FRMD5: variants seen among roughly 807,000 people sequenced by gnomAD.
FRMD5 encodes FERM domain-containing protein 5.
A neutral mutation model predicts 69.0 loss-of-function variants in FRMD5; 20 were observed. The observed-to-expected ratio is 0.29, with a 90% CI of 0.20 to 0.42. FRMD5 has a LOEUF of 0.42. Among genes scored for constraint, FRMD5 ranks in the 10% least tolerant of loss-of-function variants. FRMD5 has a pLI of 1.00. For missense variants in FRMD5, 595 were observed against 708.6 expected (o/e 0.84, Z 1.82); for synonymous variants, 271 against 260.1 (o/e 1.04, Z -0.40).
At chr15:44,184,096 CTCTGTTTT>C (rs2078060012) in intron 1 of FRMD5, among the ~76,000 whole-genome samples, 1 of 152,074 alleles carries the variant, frequency 6.6e-6, no homozygotes, top group South Asian at 2.1e-4. Flanking sequence ...CCCTCTGTTT[CTCTGTTTT>C]GATCTTTTGT....
chr15:43,949,083 G>T (rs988637323), intron 1 of FRMD5, among the ~76,000 whole-genome samples: 5 of 152,312 alleles, frequency 3.3e-5, no homozygotes, highest in Middle Eastern at 3.4e-3. Context: ...AGGCTTCAGG[G>T]CTCCATGGTT....
chr15:43,980,139 T>A (rs1371725881), intron 1 of FRMD5, among the ~76,000 whole-genome samples: 1 of 152,238 alleles, frequency 6.6e-6, no homozygotes, highest in Non-Finnish European at 1.5e-5. Context: ...TAATGTAGTA[T>A]TATGTTGCTT....
intron 1 of FRMD5, among the ~76,000 whole-genome samples, chr15:44,140,357 G>C (rs1170556798): frequency 6.6e-6 from 1 of 151,850 alleles, no homozygotes; most frequent in Non-Finnish European, 1.5e-5. Context: ...TACTAAAACT[G>C]AACAACAATG....
upstream of FRMD5, among the ~76,000 whole-genome samples, chr15:44,198,096 G>C (rs1234833474): frequency 6.6e-6 from 1 of 152,094 alleles, no homozygotes; most frequent in Non-Finnish European, 1.5e-5. Context: ...GATCGCTTGA[G>C]CTCAGGATTT....
Position 43,873,819 on chromosome 15 carries a change from T to C in FRMD5, c.*66A>G, listed in dbSNP as rs889157780. On this transcript the variant is annotated 3_prime_UTR_variant, in exon 14 of 14. Coordinates refer to ENST00000417257, the MANE Select transcript of FRMD5 (RefSeq NM_032892.5). ...GCCGATGGTTCCGCGATGGGTCCCA[T>C]TGCTGGGAATGGGTAGCCGGGTTCC... is the stretch of plus-strand genomic sequence containing the variant. The C allele has an allele frequency of 8.2e-6, 13 of 1,587,228 alleles. No individual in the cohort carries two copies. The highest frequency in any genetic ancestry group is 1.8e-5 in the Admixed American group (1 of 55,616).
chr15:43,937,224 C>G lies in FRMD5; in HGVS notation c.103-12915G>C, dbSNP rs139606597. 5.1e-3 allele frequency among the ~76,000 whole-genome samples: 780 copies of G among 152,306 alleles called. 12 individuals carry two copies. Among genetic ancestry groups the G allele is most frequent in the African/African-American group, 0.018 (745 of 41,570 alleles). ...ACACCTAGACAAAATGGCATAGGAT[C>G]ATTGGGCTTCAGATCAATGGGTGAT... On this transcript the variant is annotated intron_variant, in intron 1 of 13. Transcript: ENST00000417257.
In FRMD5 at chr15:44,182,551, G is replaced by A. The variant is rs138253170; in HGVS notation, c.102+12402C>T. Reference sequence around the variant, plus strand: ...TCATCATGTTAGCCAGGATGGTCTCGATCTGACCTCGTGATCCACCCACCT... The same window carrying A: ...TCATCATGTTAGCCAGGATGGTCTCAATCTGACCTCGTGATCCACCCACCT... On this transcript the variant is annotated intron_variant, in intron 1 of 13. Transcript: ENST00000417257. Among the ~76,000 whole-genome samples, 1,352 of 149,914 alleles carry A rather than the reference G, an allele frequency of 9.0e-3. 25 individuals carry two copies. The highest frequency in any genetic ancestry group is 0.032 in the African/African-American group (1,289 of 40,704).
intron 4 of FRMD5, among the ~76,000 whole-genome samples, chr15:43,912,578 G>A (rs1311234757): frequency 6.6e-6 from 1 of 151,898 alleles, no homozygotes; most frequent in African/African-American, 2.4e-5. Context: ...CCAAAATTCA[G>A]GGACTGTACA....
chr15:43,898,601 G>A (rs575671748), intron 7 of FRMD5, among the ~76,000 whole-genome samples: 5 of 152,320 alleles, frequency 3.3e-5, no homozygotes, highest in African/African-American at 1.2e-4. Flanking sequence ...CAGTGCTGCA[G>A]GAGACCCAGG....
At chr15:43,993,806 G>A (rs779193197) in intron 1 of FRMD5, among the ~76,000 whole-genome samples, 1 of 152,144 alleles carries the variant, frequency 6.6e-6, no homozygotes, top group Non-Finnish European at 1.5e-5. Context: ...GTCTCTTGAT[G>A]AACTGACCTC....
chr15:44,139,520 A>G (rs925604684), intron 1 of FRMD5, among the ~76,000 whole-genome samples: 1 of 152,104 alleles, frequency 6.6e-6, no homozygotes, highest in African/African-American at 2.4e-5. Context: ...ATATATCAGG[A>G]AGGTGCAAAA....
intron 5 of FRMD5, among the ~76,000 whole-genome samples, chr15:43,907,527 CT>C (rs758126629): frequency 0.013 from 1,807 of 138,702 alleles, 19 homozygotes; most frequent in African/African-American, 0.037. Flanking sequence ...CCAGGCCTAG[CT>C]TTTTTTTTTT....
At chr15:44,036,667 T>C (rs889277087) in intron 1 of FRMD5, among the ~76,000 whole-genome samples, 1 of 152,262 alleles carries the variant, frequency 6.6e-6, no homozygotes, top group African/African-American at 2.4e-5. Context: ...TTACATATTC[T>C]TGAACTCACT....
At chr15:44,156,547 T>C (rs1413130513) in intron 1 of FRMD5, among the ~76,000 whole-genome samples, 1 of 152,218 alleles carries the variant, frequency 6.6e-6, no homozygotes, top group Non-Finnish European at 1.5e-5. Context: ...AAACATCCCT[T>C]AAAACATGTG....
chr15:43,927,252 T>G (rs895357925), intron 1 of FRMD5, among the ~76,000 whole-genome samples: 2 of 152,326 alleles, frequency 1.3e-5, no homozygotes, highest in South Asian at 2.1e-4. Context: ...CCAGGTGGGG[T>G]GGAGGTCTCA....
intron 1 of FRMD5, among the ~76,000 whole-genome samples, chr15:44,033,605 TAC>T (rs1891781566): frequency 6.6e-6 from 1 of 152,228 alleles, no homozygotes. Context: ...AAGATTTTTG[TAC>T]AGAGAATTAC....
intron 6 of FRMD5, among the ~76,000 whole-genome samples, chr15:43,904,587 C>G (rs1566825680): frequency 6.6e-6 from 1 of 152,094 alleles, no homozygotes; most frequent in African/African-American, 2.4e-5. Flanking sequence ...CCATGTTGCC[C>G]AGGCTGGTCT....
rs556963648 is a variant in FRMD5, at chr15:43,938,088, G to A, written c.103-13779C>T. On this transcript the variant is annotated intron_variant, in intron 1 of 13. Transcript: ENST00000417257. Reference sequence around the variant, plus strand: ...CTACTAAAAACACAAAAAATTAGCCGGGTGCGGTGGCGGGCGCTTGTAGTC... The same window carrying A: ...CTACTAAAAACACAAAAAATTAGCCAGGTGCGGTGGCGGGCGCTTGTAGTC... 1.8e-4 allele frequency among the ~76,000 whole-genome samples: 27 copies of A among 152,042 alleles called. No individual in the cohort carries two copies. In the South Asian group the frequency reaches 1.9e-3, roughly 11 times the overall value.
intron 1 of FRMD5, among the ~76,000 whole-genome samples, chr15:43,939,113 C>A (rs1345152771): frequency 6.6e-6 from 1 of 152,022 alleles, no homozygotes; most frequent in South Asian, 2.1e-4. Flanking sequence ...TCAGGTGATC[C>A]GCCTGCCTCG....
Sources: gnomAD v4.1 joint callset for allele counts (sites outside exome capture counted in the v4.1 genomes callset) on GRCh38, gnomAD v4.1.1 for gene constraint, MANE v1.5 for transcripts, NCBI Gene and HGNC (gene_info 2026-07-23, HGNC 2026-07-21) for gene names.